The following EPB41L4B variants were observed in gnomAD, a reference collection of about 807,000 sequenced individuals.
The protein encoded by EPB41L4B is erythrocyte membrane protein band 4.1 like 4B.
Under a neutral mutation model 112.5 loss-of-function variants are expected in EPB41L4B, and 30 were observed. That is an observed-to-expected ratio of 0.27 (90% CI 0.20 to 0.36). The LOEUF (loss-of-function observed/expected upper bound fraction) is 0.36. Ranked by LOEUF, EPB41L4B falls within the 10% of genes least tolerant of loss-of-function variation. The pLI, the probability that EPB41L4B is intolerant of heterozygous loss-of-function variation, is 1.00. For missense variants in EPB41L4B, 1,024 were observed against 1,133.3 expected (o/e 0.90, Z 1.38); for synonymous variants, 408 against 439.7 (o/e 0.93, Z 0.90).
intron 4 of EPB41L4B, 148 bp from the exon 5 acceptor site, chr9:109,265,172 A>C: frequency 1.6e-6 from 1 of 632,752 alleles, no homozygotes; most frequent in African/African-American, 1.8e-5. Flanking sequence ...ACTTTGGTGG[A>C]AGCATCTCCT....
intron 1 of EPB41L4B, among the ~76,000 whole-genome samples, chr9:109,307,999 T>G (rs1240760363): frequency 6.6e-6 from 1 of 152,126 alleles, no homozygotes; most frequent in African/African-American, 2.4e-5. Flanking sequence ...GAAAGGCCTT[T>G]CGCCGCCTCC....
At chr9:109,258,546 C>T (rs1178627616) in intron 6 of EPB41L4B, among the ~76,000 whole-genome samples, 1 of 152,230 alleles carries the variant, frequency 6.6e-6, no homozygotes, top group Non-Finnish European at 1.5e-5. Flanking sequence ...TCTTTCTCTC[C>T]ACTGTTGTTC....
chr9:109,240,751 T>C lies in EPB41L4B; in HGVS notation c.1409+2867A>G, dbSNP rs1335617244. On this transcript the variant is annotated intron_variant, in intron 15 of 25. Coordinates refer to ENST00000374566, the MANE Select transcript of EPB41L4B (RefSeq NM_019114.5). ...TCATTTGAGCCATAAATGATCTTGA[T>C]TGCACGTTGCTTTTTAAGAGTGAAG... is the stretch of plus-strand genomic sequence containing the variant. The C allele has an allele frequency of 6.1e-6, 6 of 985,318 alleles. No homozygotes were observed. The East Asian group carries it at 4.5e-4, about 74-fold the overall frequency. 61.0% of individuals were successfully genotyped at this position (985,318 alleles called of 1,614,324 possible). A position where few individuals can be genotyped will look rare whatever the true frequency, so the allele number is the denominator to read the frequency against.
At chr9:109,230,332 G>A (rs1423316128) in intron 15 of EPB41L4B, among the ~76,000 whole-genome samples, 5 of 152,210 alleles carry the variant, frequency 3.3e-5, no homozygotes, top group African/African-American at 4.8e-5. Flanking sequence ...CATGTGTTTG[G>A]AAGGAGCAAT....
chr9:109,292,923 C>T (rs979880800), intron 1 of EPB41L4B, among the ~76,000 whole-genome samples: 1 of 152,216 alleles, frequency 6.6e-6, no homozygotes, highest in Non-Finnish European at 1.5e-5. Flanking sequence ...TAAGAGGCCA[C>T]AAGCACGTGT....
intron 23 of EPB41L4B, 79 bp downstream of exon 23, chr9:109,185,410 C>T: frequency 7.9e-7 from 1 of 1,272,992 alleles, no homozygotes; most frequent in East Asian, 2.3e-5. Context: ...GCACGCCCAC[C>T]CAGGCTTCCA....
chr9:109,269,431 A>G (rs2119090283), intron 2 of EPB41L4B, among the ~76,000 whole-genome samples: 1 of 152,278 alleles, frequency 6.6e-6, no homozygotes, highest in Admixed American at 6.5e-5. Flanking sequence ...TGTCCTAAGG[A>G]GTCTCAGCCA....
intron 17 of EPB41L4B, among the ~76,000 whole-genome samples, chr9:109,209,969 C>T (rs1833107895): frequency 6.6e-6 from 1 of 152,168 alleles, no homozygotes; most frequent in Non-Finnish European, 1.5e-5. Context: ...ACTGCTTCCC[C>T]TTCAATTCTC....
chr9:109,229,753 AG>A (rs1176390860), intron 15 of EPB41L4B, among the ~76,000 whole-genome samples: 2 of 152,232 alleles, frequency 1.3e-5, no homozygotes, highest in African/African-American at 4.8e-5. Flanking sequence ...GGTAAGCCTC[AG>A]AAGGGTTGCA....
chr9:109,312,908 A>G (rs747839496), intron 1 of EPB41L4B, among the ~76,000 whole-genome samples: 15 of 151,766 alleles, frequency 9.9e-5, no homozygotes, highest in Non-Finnish European at 1.3e-4. Context: ...ACTCCTACAC[A>G]TCCTTTGGGG....
chr9:109,307,119 A>G, intron 1 of EPB41L4B: 1 of 313,794 alleles, frequency 3.2e-6, no homozygotes, highest in South Asian at 3.0e-5. Flanking sequence ...AAACTTACCT[A>G]TGTGGAAGAG....
At chr9:109,308,608 C>A (rs1451376568) in intron 1 of EPB41L4B, among the ~76,000 whole-genome samples, 1 of 152,152 alleles carries the variant, frequency 6.6e-6, no homozygotes, top group African/African-American at 2.4e-5. Flanking sequence ...TTTTAGAAGT[C>A]TTGATGAAGT....
chr9:109,232,699 T>A (rs917592766), intron 15 of EPB41L4B, among the ~76,000 whole-genome samples: 1 of 152,102 alleles, frequency 6.6e-6, no homozygotes, highest in African/African-American at 2.4e-5. Flanking sequence ...CTGTTAAGAG[T>A]AGGTTTTAGA....
intron 15 of EPB41L4B, among the ~76,000 whole-genome samples, chr9:109,226,712 A>AAT (rs1207588886): frequency 1.5e-5 from 2 of 137,632 alleles, no homozygotes; most frequent in Non-Finnish European, 1.6e-5. Context: ...ATATATGAAG[A>AAT]ATATATATAT....
At chr9:109,264,261 A>T (rs1041398063) in intron 5 of EPB41L4B, among the ~76,000 whole-genome samples, 1 of 152,234 alleles carries the variant, frequency 6.6e-6, no homozygotes, top group Non-Finnish European at 1.5e-5. Flanking sequence ...AATTTCCTTC[A>T]GATTATATTC....
At chr9:109,190,093 G>A (rs879404041) in intron 22 of EPB41L4B, among the ~76,000 whole-genome samples, 6 of 152,008 alleles carry the variant, frequency 3.9e-5, no homozygotes, top group Non-Finnish European at 2.9e-5. Flanking sequence ...ATACTACCAC[G>A]CTCGGCTAGG....
At chr9:109,226,697 AATAT>A (rs1304733980) in intron 15 of EPB41L4B, among the ~76,000 whole-genome samples, 1 of 134,188 alleles carries the variant, frequency 7.5e-6, no homozygotes, top group African/African-American at 2.8e-5. Flanking sequence ...TATATATATG[AATAT>A]ATATATGAAG....
At position 109,214,649 on chromosome 9, in the gene EPB41L4B, GGT is replaced by G. The variant is rs1219801768; in HGVS notation, c.1634-833_1634-832del. 2.0e-5 allele frequency among the ~76,000 whole-genome samples: 3 copies of G among 152,182 alleles called. No homozygotes were observed. In the East Asian group the frequency reaches 5.8e-4, roughly 29 times the overall value. ...AGTATTCCAGGCAAAGGGAACAGCAGGTGCAAAGGACAGAGTTGAGACCCAGT... is the reference window on the plus strand; with the variant it reads ...AGTATTCCAGGCAAAGGGAACAGCAGGCAAAGGACAGAGTTGAGACCCAGT... On this transcript the variant is annotated intron_variant, in intron 16 of 25. Transcript: ENST00000374566.
At chr9:109,193,805 AC>A (rs1289563389) in intron 21 of EPB41L4B, among the ~76,000 whole-genome samples, 1 of 152,110 alleles carries the variant, frequency 6.6e-6, no homozygotes, top group Non-Finnish European at 1.5e-5. Flanking sequence ...TTTTCAAACT[AC>A]TAACACCGGC....
Sources: allele counts gnomAD v4.1 joint callset (sites outside exome capture counted in the v4.1 genomes callset), GRCh38; gene constraint gnomAD v4.1.1; transcripts MANE v1.5; gene names NCBI Gene and HGNC (gene_info 2026-07-23, HGNC 2026-07-21).